Variants in SKIDA1 observed in about 807,000 individuals in gnomAD.
SKIDA1 encodes the protein SKI/DACH domain-containing protein 1.
A neutral mutation model predicts 51.4 loss-of-function variants in SKIDA1; 18 were observed. The ratio of observed to expected loss-of-function variants is 0.35; its 90% CI spans 0.24 to 0.52. The LOEUF is 0.52. Ranked by LOEUF, SKIDA1 falls within the 20% of genes least tolerant of loss-of-function variation. The pLI, the probability that SKIDA1 is intolerant of heterozygous loss-of-function variation, is 0.95. For missense variants in SKIDA1, 1,104 were observed against 1,180.6 expected (o/e 0.94, Z 0.95); for synonymous variants, 579 against 500.5 (o/e 1.16, Z -2.09).
Position 21,516,866 on chromosome 10 carries a change from C to G in SKIDA1, c.957G>C (p.Gly319=). 1 of 1,316,988 alleles carries G rather than the reference C, an allele frequency of 7.6e-7. No individual in the cohort carries two copies. The highest frequency in any genetic ancestry group is 9.6e-7 in the Non-Finnish European group (1 of 1,037,838). The allele number at this position is 1,316,988 out of a possible 1,614,324, so 81.6% of individuals were successfully genotyped here. A position where few individuals can be genotyped will look rare whatever the true frequency, so the allele number is the denominator to read the frequency against. The change falls in exon 4 of 4, where the codon GGG becomes GGC. Residue 319 remains glycine, a synonymous_variant. Transcript: ENST00000449193. This position sits in a 1 kb window ranked among gnomAD's most constrained non-coding sequence, Gnocchi z 5.7. ...GATGAAACCTCTCCAGGCAAGTGGC[C>G]CCCGCGGCGGCCGCCGCCGCCGCTG... is the stretch of plus-strand genomic sequence containing the variant. ...AAAAAAAAAA[G]ATCLERFHLV...
intron 1 of SKIDA1, among the ~76,000 whole-genome samples, 162 bp downstream of exon 1, chr10:21,525,385 G>T (rs895568317): frequency 1.3e-5 from 2 of 152,180 alleles, no homozygotes; most frequent in Non-Finnish European, 2.9e-5. Flanking sequence ...GTGGGTCTGC[G>T]TGGCTGAATA....
chr10:21,517,877 ATACACATG>A lies in SKIDA1; in HGVS notation c.-63_-56del, dbSNP rs1220875858. The A allele has an allele frequency of 6.9e-7, 1 of 1,457,176 alleles. No homozygotes were observed. Among genetic ancestry groups the A allele is most frequent in the African/African-American group, 1.4e-5 (1 of 71,388 alleles). The allele number at this position is 1,457,176 out of a possible 1,614,324, so 90.3% of individuals were successfully genotyped here. The stretch of plus-strand genomic sequence containing the variant: ...CAGTAAATATATACGTGACGCATAC[ATACACATG>A]TATGTATGTTAATCCTCAGCCAGAT... On this transcript the variant is annotated 5_prime_UTR_variant, in exon 4 of 4. In the 5' UTR this introduces an upstream ATG that the reference lacks. Coordinates refer to ENST00000449193, the MANE Select transcript of SKIDA1 (RefSeq NM_207371.4). This position sits in a 1 kb window ranked among gnomAD's most constrained non-coding sequence, Gnocchi z 6.9.
rs374968071 is a variant in SKIDA1, at chr10:21,516,283, C to T, written c.1540G>A (p.Ala514Thr). Residue 514 changes from alanine to threonine, a missense_variant, in exon 4 of 4, where the codon GCG becomes ACG. Ala to Thr is a moderately conservative substitution (Grantham distance 58). Coordinates refer to ENST00000449193, the MANE Select transcript of SKIDA1 (RefSeq NM_207371.4). This position sits in a 1 kb window ranked among gnomAD's most constrained non-coding sequence, Gnocchi z 5.7. Reference sequence around the variant, plus strand: ...AGATTCCACTCCGCCGGCGACTCCGCTTTGACACTACTCTTGAGGTCGGGA... The same window carrying T: ...AGATTCCACTCCGCCGGCGACTCCGTTTTGACACTACTCTTGAGGTCGGGA... ...RLPDLKSSVK[A>T]ESPAEWNLQS... The T allele has an allele frequency of 1.6e-5, 26 of 1,613,950 alleles. No individual in the cohort carries two copies. Among genetic ancestry groups the T allele is most frequent in the East Asian group, 1.6e-4 (7 of 44,892 alleles).
chr10:21,520,896 T>C (rs1317272632), intron 3 of SKIDA1, among the ~76,000 whole-genome samples: 1 of 152,104 alleles, frequency 6.6e-6, no homozygotes, highest in Middle Eastern at 3.2e-3. Context: ...TTTGTGCAAG[T>C]ATCTCTATAT....
chr10:21,522,323 T>C (rs2131276216), intron 2 of SKIDA1, among the ~76,000 whole-genome samples: 1 of 122,236 alleles, frequency 8.2e-6, no homozygotes, highest in East Asian at 2.7e-4. Flanking sequence ...ACGTTTGTTT[T>C]AGTGATTGCT....
Position 21,515,603 on chromosome 10 carries a change from G to A in SKIDA1, c.2220C>T (p.Cys740=), listed in dbSNP as rs758907348. The change falls in exon 4 of 4, where the codon TGC becomes TGT. Residue 740 remains cysteine, a synonymous_variant. Transcript: ENST00000449193. ...LLTTAKEGFA[C]PEKETPSLNP... ...TTAAGGAAGGAGTTTCTTTTTCAGGGCATGCAAAACCTTCCTTGGCTGTGG... is the reference window on the plus strand; with the variant it reads ...TTAAGGAAGGAGTTTCTTTTTCAGGACATGCAAAACCTTCCTTGGCTGTGG... 3.2e-5 allele frequency: 51 copies of A among 1,613,822 alleles called. No individual in the cohort carries two copies. The highest frequency in any genetic ancestry group is 4.3e-5 in the Non-Finnish European group (51 of 1,179,886).
rs1234327308 is a variant in SKIDA1 at position 21,516,761 on chromosome 10, C to G, written c.1062G>C (p.Gln354His). 1.9e-6 allele frequency: 3 copies of G among 1,545,706 alleles called. No individual in the cohort carries two copies. Among genetic ancestry groups the G allele is most frequent in the Non-Finnish European group, 2.6e-6 (3 of 1,145,618 alleles). The change falls in exon 4 of 4, where the codon CAG (glutamine) becomes CAC (histidine). Residue 354 changes from glutamine (Q) to histidine (H), a missense_variant. Physicochemically the swap from Gln to His is conservative, Grantham distance 24. Coordinates refer to ENST00000449193, the MANE Select transcript of SKIDA1 (RefSeq NM_207371.4). The surrounding 1 kb of genome is among the most constrained non-coding windows in gnomAD (Gnocchi z 5.7). ...GGGGGTGGTGACTCTGCTGCGGCGG[C>G]TGGGCCCGGTGGTGGTGGTGGTGGT... ...HHHHHHHHRA[Q>H]PPQQSHHPPH...
Position 21,516,925 on chromosome 10 carries a change from T to C in SKIDA1, c.898A>G (p.Lys300Glu). The change falls in exon 4 of 4, where the codon AAA (lysine) becomes GAA (glutamate). Residue 300 changes from lysine (K) to glutamate (E), a missense_variant. Physicochemically the swap from Lys to Glu is moderately conservative, Grantham distance 56 (BLOSUM62 1). Transcript: ENST00000449193. The surrounding 1 kb of genome is among the most constrained non-coding windows in gnomAD (Gnocchi z 5.7). ...GCCGCCGCCGCCGCCGCCTTGGCTT[T>C]GTAGGACCTGGGCAACAGCAGCAGG... Reference protein sequence around the residue: ...RRLLLLPRSYKAKAAAAAAAA... With the variant: ...RRLLLLPRSYEAKAAAAAAAA... 1 of 1,120,440 alleles carries C rather than the reference T, an allele frequency of 8.9e-7. No individual in the cohort carries two copies. The highest frequency in any genetic ancestry group is 1.1e-6 in the Non-Finnish European group (1 of 922,838). The allele number at this position is 1,120,440 out of a possible 1,614,324, so 69.4% of individuals were successfully genotyped here.
Position 21,515,062 on chromosome 10 carries a change from A to G in SKIDA1, c.*34T>C. The G allele has an allele frequency of 6.5e-7, 1 of 1,532,406 alleles. No homozygotes were observed. The allele number at this position is 1,532,406 out of a possible 1,614,324, so 94.9% of individuals were successfully genotyped here. ...GTGCAGTTTACAACAAAAGGAAGGT[A>G]ATATGGTTCAAGAAAATATCTTCCA... On this transcript the variant is annotated 3_prime_UTR_variant, in exon 4 of 4. Coordinates refer to ENST00000449193, the MANE Select transcript of SKIDA1 (RefSeq NM_207371.4).
chr10:21,522,191 T>C (rs2032414123), intron 2 of SKIDA1, among the ~76,000 whole-genome samples: 1 of 139,950 alleles, frequency 7.1e-6, no homozygotes, highest in African/African-American at 2.7e-5. Flanking sequence ...ATTAAAGTAT[T>C]GAAGAGCATT....
At chr10:21,520,388 A>G (rs1385524109) in intron 3 of SKIDA1, among the ~76,000 whole-genome samples, 1 of 152,114 alleles carries the variant, frequency 6.6e-6, no homozygotes, top group Non-Finnish European at 1.5e-5. Flanking sequence ...GAATGACCAG[A>G]GTCTTTCTAT....
At position 21,513,784 on chromosome 10, in the gene SKIDA1, G is replaced by A. The variant is rs1346141221; in HGVS notation, c.*1312C>T. 6.6e-6 allele frequency: 1 copy of A among 152,250 alleles called. No individual in the cohort carries two copies. The allele number at this position is 152,250 out of a possible 1,614,324, so 9.4% of individuals were successfully genotyped here. ...CATAAAATCCAAGTGCCTGAGTTCTGGTACCAAAAAGCCCTGAAAAAACTG... is the reference window on the plus strand; with the variant it reads ...CATAAAATCCAAGTGCCTGAGTTCTAGTACCAAAAAGCCCTGAAAAAACTG... On this transcript the variant is annotated 3_prime_UTR_variant, in exon 4 of 4. Transcript: ENST00000449193.
At position 21,523,828 on chromosome 10, in the gene SKIDA1, A is replaced by G. The variant is rs1452990324; in HGVS notation, c.-2074T>C. On this transcript the variant is annotated 5_prime_UTR_variant, in exon 2 of 4. Coordinates refer to ENST00000449193, the MANE Select transcript of SKIDA1 (RefSeq NM_207371.4). ...CTTCAGCCCAAATCCTTCTGGGAGC[A>G]CTGGAGCCAATCACTGTCTTTCACT... The G allele has an allele frequency of 6.6e-6, 1 of 151,764 alleles. No individual in the cohort carries two copies. Among genetic ancestry groups the G allele is most frequent in the Non-Finnish European group, 1.5e-5 (1 of 67,990 alleles). 9.4% of individuals were successfully genotyped at this position (151,764 alleles called of 1,614,324 possible). A position where few individuals can be genotyped will look rare whatever the true frequency, so the allele number is the denominator to read the frequency against.
chr10:21,515,200 C>T lies in SKIDA1; in HGVS notation c.2623G>A (p.Asp875Asn), dbSNP rs749074295. Residue 875 changes from aspartate (D) to asparagine (N), a missense_variant, in exon 4 of 4, where the codon GAT becomes AAT. Around this residue, in one of 3 missense-constraint regions of SKIDA1, gnomAD observed 112 missense variants for 168.3 expected, o/e 0.67. Transcript: ENST00000449193. ...TGGGCCTTGTGAGGAGTTTGAGAAT[C>T]CTTAGTGGTGTTTAAGGAATACGCC... ...WPAYSLNTTK[D>N]SQTPHKAHPI... is the part of the protein sequence containing the mutation. 1.9e-6 allele frequency: 3 copies of T among 1,613,878 alleles called. No individual in the cohort carries two copies. The highest frequency in any genetic ancestry group is 2.5e-6 in the Non-Finnish European group (3 of 1,179,846).
rs928737996 is a variant in SKIDA1, at chr10:21,514,828, G to A, written c.*268C>T. On this transcript the variant is annotated 3_prime_UTR_variant, in exon 4 of 4. Coordinates refer to ENST00000449193, the MANE Select transcript of SKIDA1 (RefSeq NM_207371.4). Reference sequence around the variant, plus strand: ...AACAGTAAAGTGTTCCAGCTCTACCGTAATAACTGAGTTTTACTTGAGTCT... The same window carrying A: ...AACAGTAAAGTGTTCCAGCTCTACCATAATAACTGAGTTTTACTTGAGTCT... 15 of 341,000 alleles carry A rather than the reference G, an allele frequency of 4.4e-5. No homozygotes were observed. The highest frequency in any genetic ancestry group is 7.8e-5 in the Non-Finnish European group (15 of 191,460). 21.1% of individuals were successfully genotyped at this position (341,000 alleles called of 1,614,324 possible). A position where few individuals can be genotyped will look rare whatever the true frequency, so the allele number is the denominator to read the frequency against.
In SKIDA1 at chr10:21,516,983, G is replaced by C; in HGVS notation, c.840C>G (p.Asp280Glu). 8.7e-7 allele frequency: 1 copy of C among 1,154,572 alleles called. No individual in the cohort carries two copies. The allele number at this position is 1,154,572 out of a possible 1,614,324, so 71.5% of individuals were successfully genotyped here. Residue 280 changes from aspartate to glutamate, a missense_variant, in exon 4 of 4, where the codon GAC becomes GAG. Around this residue, in one of 3 missense-constraint regions of SKIDA1, gnomAD observed 938 missense variants for 886.4 expected, o/e 1.06. Coordinates refer to ENST00000449193, the MANE Select transcript of SKIDA1 (RefSeq NM_207371.4). The surrounding 1 kb of genome is among the most constrained non-coding windows in gnomAD (Gnocchi z 5.7). Reference sequence around the variant, plus strand: ...CGCCGGCGTGAGGCGCGAGCAGGCAGTCCTTGGCGCCGCCGCGCTTGCGCT... The same window carrying C: ...CGCCGGCGTGAGGCGCGAGCAGGCACTCCTTGGCGCCGCCGCGCTTGCGCT... ...RCKRKRGGAKDCLLAPHAGAR... is the reference protein window; with the variant it reads ...RCKRKRGGAKECLLAPHAGAR...
Position 21,515,667 on chromosome 10 carries a change from T to C in SKIDA1, c.2156A>G (p.Tyr719Cys), listed in dbSNP as rs1486279617. The change falls in exon 4 of 4, where the codon TAC becomes TGC. Residue 719 changes from tyrosine to cysteine, a missense_variant. This residue lies in a region of SKIDA1 where 938 missense variants were observed against 886.4 expected (regional missense o/e 1.06). Coordinates refer to ENST00000449193, the MANE Select transcript of SKIDA1 (RefSeq NM_207371.4). Reference sequence around the variant, plus strand: ...CTCCTCTTTACTCTCAGTCACACTGTAAAACTCACCCTTTGTATCATTGCA... The same window carrying C: ...CTCCTCTTTACTCTCAGTCACACTGCAAAACTCACCCTTTGTATCATTGCA... ...CECNDTKGEF[Y>C]SVTESKEEDA... is the part of the protein sequence containing the mutation. The C allele has an allele frequency of 6.2e-7, 1 of 1,613,964 alleles. No individual in the cohort carries two copies. The highest frequency in any genetic ancestry group is 2.2e-5 in the East Asian group (1 of 44,900).
chr10:21,517,161 T>C lies in SKIDA1; in HGVS notation c.662A>G (p.Lys221Arg). 7.5e-7 allele frequency: 1 copy of C among 1,340,022 alleles called. No homozygotes were observed. Among genetic ancestry groups the C allele is most frequent in the Non-Finnish European group, 9.6e-7 (1 of 1,041,238 alleles). 83.0% of individuals were successfully genotyped at this position (1,340,022 alleles called of 1,614,324 possible). Residue 221 changes from lysine (K) to arginine (R), a missense_variant, in exon 4 of 4, where the codon AAA becomes AGA. By Grantham distance (26) the Lys-to-Arg change is conservative (BLOSUM62 2). This residue lies in a region of SKIDA1 where 938 missense variants were observed against 886.4 expected (regional missense o/e 1.06). Coordinates refer to ENST00000449193, the MANE Select transcript of SKIDA1 (RefSeq NM_207371.4). This position sits in a 1 kb window ranked among gnomAD's most constrained non-coding sequence, Gnocchi z 6.9. The part of the protein sequence containing the change: ...PAYFRSLLCS[K>R]HPAAAAAAAA... ...GGCGGCGGCGGCGGCTGCCGGGTGT[T>C]TGCTGCACAGCAGGCTCCGAAAATA...
At chr10:21,525,251 G>T (rs538604928) in intron 1 of SKIDA1, among the ~76,000 whole-genome samples, 1 of 152,162 alleles carries the variant, frequency 6.6e-6, no homozygotes, top group African/African-American at 2.4e-5. Flanking sequence ...AAAGGAAAGG[G>T]GATTCAAGTA....
Sources: gnomAD v4.1 joint callset for allele counts (sites outside exome capture counted in the v4.1 genomes callset) on GRCh38, gnomAD v4.1.1 for gene constraint, gnomAD v4.1.1 regional missense constraint, Gnocchi (gnomAD v3.1) non-coding constraint, MANE v1.5 for transcripts, NCBI Gene and HGNC (gene_info 2026-07-23, HGNC 2026-07-21) for gene names.